ADD1: variants seen among roughly 807,000 people sequenced by gnomAD.
The protein encoded by ADD1 is adducin 1.
Under a neutral mutation model 80.5 loss-of-function variants are expected in ADD1, and 24 were observed. The ratio of observed to expected loss-of-function variants is 0.30; its 90% CI spans 0.22 to 0.42. The LOEUF is 0.42. Among genes scored for constraint, ADD1 ranks in the 10% least tolerant of loss-of-function variants. The pLI, the probability that ADD1 is intolerant of heterozygous loss-of-function variation, is 1.00. For missense variants in ADD1, 948 were observed against 1,019.0 expected (o/e 0.93, Z 0.95); for synonymous variants, 373 against 393.8 (o/e 0.95, Z 0.63).
At chr4:2,913,919 C>T (rs948686329) in intron 13 of ADD1, among the ~76,000 whole-genome samples, 4 of 151,804 alleles carry the variant, frequency 2.6e-5, no homozygotes, top group Admixed American at 6.6e-5. Flanking sequence ...GGTAGCCGGG[C>T]GTGGTGGCGG....
chr4:2,872,682 G>A (rs1212684621), intron 1 of ADD1, among the ~76,000 whole-genome samples: 6 of 152,132 alleles, frequency 3.9e-5, no homozygotes, highest in Admixed American at 3.9e-4. Context: ...TCGGACTCCT[G>A]AGTAGCTGAG....
rs1737543325 is a variant in ADD1 at position 2,909,003 on chromosome 4, G to GTGCC, written c.1699-333_1699-330dup. 9.4e-5 allele frequency: 42 copies of GTGCC among 446,910 alleles called. 1 individual carries two copies. The South Asian group carries it at 1.0e-3, about 11-fold the overall frequency. The allele number at this position is 446,910 out of a possible 1,614,324, so 27.7% of individuals were successfully genotyped here. A position where few individuals can be genotyped will look rare whatever the true frequency, so the allele number is the denominator to read the frequency against. The stretch of plus-strand genomic sequence containing the variant: ...TGCTGCTTGGGTTGCAGAGGGGTGG[G>GTGCC]TGCCTGTAAGTGTGGTGCACATTTA... On this transcript the variant is annotated intron_variant, in intron 12 of 15. Transcript: ENST00000683351.
intron 1 of ADD1, among the ~76,000 whole-genome samples, chr4:2,853,358 C>T (rs1727602632): frequency 6.6e-6 from 1 of 152,138 alleles, no homozygotes; most frequent in South Asian, 2.1e-4. Context: ...CTGCCCACCT[C>T]AGCCTCCCAA....
chr4:2,851,739 C>A (rs1380165805), intron 1 of ADD1, among the ~76,000 whole-genome samples: 1 of 152,108 alleles, frequency 6.6e-6, no homozygotes, highest in Non-Finnish European at 1.5e-5. Context: ...GAATGAACTC[C>A]CTTTTGGTCT....
At chr4:2,892,048 TG>T (rs939097471) in intron 4 of ADD1, among the ~76,000 whole-genome samples, 4 of 152,200 alleles carry the variant, frequency 2.6e-5, no homozygotes, top group Admixed American at 2.6e-4. Context: ...CATGACACGG[TG>T]GGCTCTCAGC....
intron 1 of ADD1, among the ~76,000 whole-genome samples, chr4:2,850,330 C>T (rs986082163): frequency 3.3e-5 from 5 of 152,078 alleles, no homozygotes; most frequent in Non-Finnish European, 7.4e-5. Context: ...TGCAGTGGTG[C>T]GATCTTGGCT....
At chr4:2,864,668 T>A (rs1729281899) in intron 1 of ADD1, among the ~76,000 whole-genome samples, 1 of 152,032 alleles carries the variant, frequency 6.6e-6, no homozygotes, top group Non-Finnish European at 1.5e-5. Flanking sequence ...CACTCTTAGG[T>A]GTTTACACTT....
intron 3 of ADD1, among the ~76,000 whole-genome samples, chr4:2,883,514 TTTTG>T (rs938035383): frequency 1.5e-4 from 23 of 152,130 alleles, no homozygotes; most frequent in South Asian, 6.2e-4. Flanking sequence ...AATTATGTTT[TTTTG>T]TTTGTTTGTT....
intron 14 of ADD1, among the ~76,000 whole-genome samples, chr4:2,921,101 G>GT (rs1484373626): frequency 3.3e-5 from 5 of 152,180 alleles, no homozygotes; most frequent in Non-Finnish European, 7.4e-5. Flanking sequence ...ACGAAGCTTA[G>GT]TTTGGCTGGA....
chr4:2,891,913 G>A (rs916075070), intron 4 of ADD1, among the ~76,000 whole-genome samples: 1 of 152,170 alleles, frequency 6.6e-6, no homozygotes, highest in Admixed American at 6.5e-5. Flanking sequence ...GTTAGAATTT[G>A]TTCTGTGTTA....
chr4:2,851,073 A>G (rs1727005133), intron 1 of ADD1, among the ~76,000 whole-genome samples: 1 of 152,204 alleles, frequency 6.6e-6, no homozygotes, highest in African/African-American at 2.4e-5. Context: ...ATTTAGAGAC[A>G]GTCTTGCTCT....
intron 1 of ADD1, among the ~76,000 whole-genome samples, chr4:2,848,174 C>G (rs1230260726): frequency 6.7e-6 from 1 of 149,520 alleles, no homozygotes; most frequent in Non-Finnish European, 1.5e-5. Context: ...GAGATCGTGC[C>G]ATTGCATTCC....
intron 2 of ADD1, among the ~76,000 whole-genome samples, chr4:2,876,700 G>A (rs1018553004): frequency 5.3e-5 from 8 of 151,968 alleles, no homozygotes; most frequent in South Asian, 2.1e-4. Flanking sequence ...TTAGCCAGGC[G>A]TAGTGGCGGG....
chr4:2,902,894 C>CA (rs879794779), intron 9 of ADD1: 2 of 150,630 alleles, frequency 1.3e-5, no homozygotes, highest in Non-Finnish European at 3.0e-5. Flanking sequence ...GGTGTGGTGG[C>CA]ACGTGCCTGT....
At chr4:2,889,233 G>T (rs1341090733) in intron 4 of ADD1, among the ~76,000 whole-genome samples, 3 of 152,186 alleles carry the variant, frequency 2.0e-5, no homozygotes, top group Non-Finnish European at 4.4e-5. Context: ...GCTCAGCGGG[G>T]TGGGGGATGG....
At chr4:2,907,531 A>T in intron 10 of ADD1, 1 of 480,254 alleles carries the variant, frequency 2.1e-6, no homozygotes, top group Non-Finnish European at 3.8e-6. Context: ...ATCAGTCATG[A>T]CTTTGACTTC....
chr4:2,911,449 T>TATATATATATATATATATATATATA (rs1553848841), intron 13 of ADD1, among the ~76,000 whole-genome samples: 2 of 92,588 alleles, frequency 2.2e-5, no homozygotes, highest in Non-Finnish European at 2.4e-5. Flanking sequence ...TATATATATA[T>TATATATATATATATATATATATATA]TTTTTTTTTT....
chr4:2,874,945 A>G (rs1222348203), intron 1 of ADD1, among the ~76,000 whole-genome samples: 1 of 152,158 alleles, frequency 6.6e-6, no homozygotes, highest in Admixed American at 6.5e-5. Context: ...TTTGAAAGCT[A>G]ACAGGGCGTG....
intron 13 of ADD1, among the ~76,000 whole-genome samples, chr4:2,914,531 C>G (rs1738646137): frequency 6.6e-6 from 1 of 152,214 alleles, no homozygotes; most frequent in African/African-American, 2.4e-5. Context: ...GACTTTTAAA[C>G]AGTAACAGGA....
Sources: allele counts gnomAD v4.1 joint callset (sites outside exome capture counted in the v4.1 genomes callset), GRCh38; gene constraint gnomAD v4.1.1; transcripts MANE v1.5; gene names NCBI Gene and HGNC (gene_info 2026-07-23, HGNC 2026-07-21).